REEP2: variants seen among roughly 807,000 people sequenced by gnomAD.
REEP2 encodes receptor accessory protein 2.
REEP2 carries 9 observed loss-of-function variants against 32.1 expected under a neutral mutation model. The ratio of observed to expected loss-of-function variants is 0.28; its 90% CI spans 0.17 to 0.49. REEP2 has a LOEUF of 0.49. Ranked by LOEUF, REEP2 falls within the 20% of genes least tolerant of loss-of-function variation. REEP2 has a pLI of 0.99. For synonymous variants in REEP2, 128 were observed against 139.1 expected (o/e 0.92, Z 0.56); for missense variants, 236 against 338.0 (o/e 0.70, Z 2.37).
rs574291395 is a variant in REEP2, at chr5:138,444,992, C to T, written c.417+125C>T. On this transcript the variant is annotated intron_variant, in intron 5 of 7. Coordinates refer to ENST00000378339, the MANE Select transcript of REEP2 (RefSeq NM_001271803.2). ...CTCTGGGCTCATGCAGCTGGAGGCTCCAGTCCAGGCTCTACTGCTATCTGG... is the reference window on the plus strand; with the variant it reads ...CTCTGGGCTCATGCAGCTGGAGGCTTCAGTCCAGGCTCTACTGCTATCTGG... 5.1e-4 allele frequency: 397 copies of T among 783,416 alleles called. 1 individual carries two copies. The highest frequency in any genetic ancestry group is 6.7e-4 in the Non-Finnish European group (331 of 497,684). 48.5% of individuals were successfully genotyped at this position (783,416 alleles called of 1,614,324 possible).
At position 138,444,197 on chromosome 5, in the gene REEP2, T is replaced by C. The variant is rs1580978780; in HGVS notation, c.183-218T>C. 3.8e-5 allele frequency: 19 copies of C among 498,686 alleles called. No individual in the cohort carries two copies. The South Asian group carries it at 5.9e-4, about 15-fold the overall frequency. 30.9% of individuals were successfully genotyped at this position (498,686 alleles called of 1,614,324 possible). On this transcript the variant is annotated intron_variant, in intron 3 of 7. Coordinates refer to ENST00000378339, the MANE Select transcript of REEP2 (RefSeq NM_001271803.2). ...CCAGGAGAGTCGCTGCTGGGGGAAA[T>C]TCCTTCTAGTGTCACTGCTTACCTT...
chr5:138,445,186 C>T, intron 5 of REEP2, 42 bp from the exon 6 acceptor site: 2 of 1,544,036 alleles, frequency 1.3e-6, no homozygotes, highest in African/African-American at 1.4e-5. Flanking sequence ...CTCCACCCCG[C>T]CCCTTCCCCC....
At chr5:138,445,196 C>T in intron 5 of REEP2, 32 bp from the exon 6 acceptor site, 1 of 1,552,144 alleles carries the variant, frequency 6.4e-7, no homozygotes, top group South Asian at 1.2e-5. Context: ...CCCCTTCCCC[C>T]CGGCTCTCCC....
In REEP2 at chr5:138,441,896, C is replaced by T. The variant is rs1763832665; in HGVS notation, c.182+435C>T. Among the ~76,000 whole-genome samples, 1 of 152,014 alleles carries T rather than the reference C, an allele frequency of 6.6e-6. No homozygotes were observed. The highest frequency in any genetic ancestry group is 1.5e-5 in the Non-Finnish European group (1 of 68,004). Reference sequence around the variant, plus strand: ...GAGCCGAGATCGCGCCATTGCACTCCAGCCTGGGCAACAGAGTGAGACTCC... The same window carrying T: ...GAGCCGAGATCGCGCCATTGCACTCTAGCCTGGGCAACAGAGTGAGACTCC... On this transcript the variant is annotated intron_variant, in intron 3 of 7. Transcript: ENST00000378339. The surrounding 1 kb of genome is among the most constrained non-coding windows in gnomAD (Gnocchi z 4.4).
intron 3 of REEP2, among the ~76,000 whole-genome samples, chr5:138,442,181 C>T (rs1022914029): frequency 4.6e-5 from 7 of 152,258 alleles, no homozygotes; most frequent in African/African-American, 1.7e-4. Context: ...TGTATGAGCA[C>T]TTTGAGGACA....
intron 3 of REEP2, among the ~76,000 whole-genome samples, chr5:138,442,332 CAA>C (rs1459664881): frequency 6.6e-6 from 1 of 152,080 alleles, no homozygotes; most frequent in African/African-American, 2.4e-5. Context: ...GGGGAGAGGA[CAA>C]GAGATCATTA....
At chr5:138,439,683 G>T (rs1245088431) in intron 1 of REEP2, 1 of 458,396 alleles carries the variant, frequency 2.2e-6, no homozygotes, top group Non-Finnish European at 4.4e-6. Flanking sequence ...TCATTCCGCA[G>T]CTCAGAGCCA....
chr5:138,446,892 C>A lies in REEP2; in HGVS notation c.*1141C>A, dbSNP rs1359204143. On this transcript the variant is annotated 3_prime_UTR_variant, in exon 8 of 8. Coordinates refer to ENST00000378339, the MANE Select transcript of REEP2 (RefSeq NM_001271803.2). ...AGAAATGCAGGAGCCGCGGGGCTCCCGGTTCCTTGGGAAGAGGGTGCCCAT... is the reference window on the plus strand; with the variant it reads ...AGAAATGCAGGAGCCGCGGGGCTCCAGGTTCCTTGGGAAGAGGGTGCCCAT... 1 of 152,270 alleles carries A rather than the reference C, an allele frequency of 6.6e-6. No homozygotes were observed. Among genetic ancestry groups the A allele is most frequent in the Non-Finnish European group, 1.5e-5 (1 of 68,072 alleles). 9.4% of individuals were successfully genotyped at this position (152,270 alleles called of 1,614,324 possible).
chr5:138,444,834 T>G lies in REEP2; in HGVS notation c.384T>G (p.Leu128=). 2 of 1,613,512 alleles carry G rather than the reference T, an allele frequency of 1.2e-6. No homozygotes were observed. Among genetic ancestry groups the G allele is most frequent in the South Asian group, 1.1e-5 (1 of 91,038 alleles). Residue 128 remains leucine, a synonymous_variant, in exon 5 of 8, where the codon CTT becomes CTG. Coordinates refer to ENST00000378339, the MANE Select transcript of REEP2 (RefSeq NM_001271803.2). The stretch of plus-strand genomic sequence containing the variant: ...GGGTGGGCAAGAGGGGCCTGAACCT[T>G]GCCGCCAATGCTGCAGTCACAGCTG... ...MMRVGKRGLN[L]AANAAVTAAA...
In REEP2 at chr5:138,444,424, C is replaced by T; in HGVS notation, c.192C>T (p.Phe64=). ...GCCCCTGTCCCAACAGGTTCCCCTT[C>T]TACTTTGAACTGAAGATCGCCTTCG... is the stretch of plus-strand genomic sequence containing the variant. The part of the protein sequence containing the change: ...LTDIVLSWFP[F]YFELKIAFVI... The change falls in exon 4 of 8, where the codon TTC becomes TTT. Residue 64 remains phenylalanine (F), a synonymous_variant. Transcript: ENST00000378339. The T allele has an allele frequency of 1.2e-6, 2 of 1,613,976 alleles. No individual in the cohort carries two copies. The highest frequency in any genetic ancestry group is 1.7e-6 in the Non-Finnish European group (2 of 1,179,934).
intron 4 of REEP2, 66 bp downstream of exon 4, chr5:138,444,601 C>A: frequency 1.3e-6 from 2 of 1,594,794 alleles, no homozygotes; most frequent in South Asian, 2.3e-5. Flanking sequence ...AGCCTGCAGC[C>A]TCATACAGAC....
At chr5:138,440,969 C>T (rs1028986604) in intron 1 of REEP2, 47 bp from the exon 2 acceptor site, 2 of 1,607,578 alleles carry the variant, frequency 1.2e-6, no homozygotes, top group Non-Finnish European at 1.7e-6. Flanking sequence ...GAGGGAGAGG[C>T]CACTGCCCTT....
intron 1 of REEP2, 80 bp downstream of exon 1, chr5:138,439,320 G>A: frequency 7.5e-7 from 1 of 1,331,248 alleles, no homozygotes; most frequent in Non-Finnish European, 9.9e-7. Flanking sequence ...CTTCTCCGAA[G>A]CTTCGTGCAG....
intron 1 of REEP2, 25 bp downstream of exon 1, chr5:138,439,265 G>A: frequency 7.0e-7 from 1 of 1,422,790 alleles, no homozygotes; most frequent in Non-Finnish European, 9.2e-7. Flanking sequence ...GGCGGGGGGT[G>A]ATGCGGGCTG....
At chr5:138,442,639 AAGTC>A (rs1763846559) in intron 3 of REEP2, among the ~76,000 whole-genome samples, 1 of 152,036 alleles carries the variant, frequency 6.6e-6, no homozygotes, top group East Asian at 1.9e-4. Flanking sequence ...GCGGATCATG[AAGTC>A]AGGAGATGGA....
chr5:138,442,550 A>C (rs1012116326), intron 3 of REEP2, among the ~76,000 whole-genome samples: 1 of 151,978 alleles, frequency 6.6e-6, no homozygotes, highest in Admixed American at 6.6e-5. Context: ...GTCTCTACTA[A>C]AAATACAAAA....
At position 138,441,351 on chromosome 5, in the gene REEP2, C is replaced by T. The variant is rs781756223; in HGVS notation, c.106-34C>T. On this transcript the variant is annotated intron_variant, in intron 2 of 7. Coordinates refer to ENST00000378339, the MANE Select transcript of REEP2 (RefSeq NM_001271803.2). The surrounding 1 kb of genome is among the most constrained non-coding windows in gnomAD (Gnocchi z 4.4). ...CTGGGTGTCCCTGGCCCCTCAGCCC[C>T]GTGCCCCAGCCAGCGCTTCCCTCTG... 8.8e-6 allele frequency: 14 copies of T among 1,598,586 alleles called. No individual in the cohort carries two copies. The highest frequency in any genetic ancestry group is 4.0e-5 in the African/African-American group (3 of 74,614).
chr5:138,445,886 C>A lies in REEP2; in HGVS notation c.*135C>A. On this transcript the variant is annotated 3_prime_UTR_variant, in exon 8 of 8. Coordinates refer to ENST00000378339, the MANE Select transcript of REEP2 (RefSeq NM_001271803.2). ...GCCCCGCAGATGGCCATTTCCGGTG[C>A]CTGCCCAGTGGCCACTCTTCTGGAA... 1.2e-6 allele frequency: 1 copy of A among 812,682 alleles called. No individual in the cohort carries two copies. Among genetic ancestry groups the A allele is most frequent in the Non-Finnish European group, 1.9e-6 (1 of 516,560 alleles). The allele number at this position is 812,682 out of a possible 1,614,324, so 50.3% of individuals were successfully genotyped here. A position where few individuals can be genotyped will look rare whatever the true frequency, so the allele number is the denominator to read the frequency against.
chr5:138,444,104 AC>A (rs1211070943), intron 3 of REEP2, among the ~76,000 whole-genome samples: 1 of 151,740 alleles, frequency 6.6e-6, no homozygotes, highest in Non-Finnish European at 1.5e-5. Context: ...CTTGGTGTTG[AC>A]CCTAGGGCAG....
Sources: gnomAD v4.1 joint callset for allele counts (sites outside exome capture counted in the v4.1 genomes callset) on GRCh38, gnomAD v4.1.1 for gene constraint, Gnocchi (gnomAD v3.1) non-coding constraint, MANE v1.5 for transcripts, NCBI Gene and HGNC (gene_info 2026-07-23, HGNC 2026-07-21) for gene names.